VSTM2B: variants seen among roughly 807,000 people sequenced by gnomAD.
VSTM2B encodes the protein V-set and transmembrane domain-containing protein 2B.
A neutral mutation model predicts 24.0 loss-of-function variants in VSTM2B; 24 were observed. That is an observed-to-expected ratio of 1.00 (90% CI 0.72 to 1.40). The LOEUF is 1.40. VSTM2B is among the 40% of genes most tolerant of loss of function. The probability of loss-of-function intolerance (pLI) is 0.00; values close to 1 mark genes in which losing one functional copy is unlikely to be tolerated. For synonymous variants in VSTM2B, 226 were observed against 194.4 expected (o/e 1.16, Z -1.35); for missense variants, 399 against 416.4 (o/e 0.96, Z 0.36).
chr19:29,558,024 G>T (rs1242094553), intron 4 of VSTM2B, among the ~76,000 whole-genome samples: 1 of 151,928 alleles, frequency 6.6e-6, no homozygotes, highest in Non-Finnish European at 1.5e-5. Flanking sequence ...CCTCATGAAA[G>T]ACTGGGCAAA....
intron 1 of VSTM2B, 90 bp from the exon 2 acceptor site, chr19:29,527,121 A>G: frequency 8.3e-7 from 1 of 1,202,110 alleles, no homozygotes; most frequent in East Asian, 2.6e-5. Context: ...GCACAAGGCC[A>G]GCCAGCCAGA....
chr19:29,560,269 A>T (rs1970496287), intron 4 of VSTM2B, among the ~76,000 whole-genome samples: 1 of 152,114 alleles, frequency 6.6e-6, no homozygotes, highest in African/African-American at 2.4e-5. Flanking sequence ...ACTTGTAGCC[A>T]TTTTTGCAAT....
intron 4 of VSTM2B, among the ~76,000 whole-genome samples, chr19:29,546,679 C>G (rs529520621): frequency 6.6e-6 from 1 of 150,920 alleles, no homozygotes; most frequent in African/African-American, 2.4e-5. Context: ...AGCCCCCACC[C>G]CCACCCCGGT....
At chr19:29,527,995 C>G (rs1969630852) in intron 2 of VSTM2B, among the ~76,000 whole-genome samples, 1 of 152,232 alleles carries the variant, frequency 6.6e-6, no homozygotes, top group Admixed American at 6.5e-5. Context: ...TACATTCTCC[C>G]AGGGTCCCAC....
At chr19:29,525,427 C>T (rs972106307), upstream of VSTM2B, 2 of 151,722 alleles carry the variant, frequency 1.3e-5, no homozygotes, top group African/African-American at 2.4e-5. Flanking sequence ...CACTCACGGC[C>T]GCTGCGGGCT....
chr19:29,556,317 T>A (rs1970408385), intron 4 of VSTM2B, among the ~76,000 whole-genome samples: 1 of 152,178 alleles, frequency 6.6e-6, no homozygotes. Flanking sequence ...AGAAAAGGCC[T>A]TCGATAAAAT....
At chr19:29,539,487 G>T (rs2145482318) in intron 4 of VSTM2B, among the ~76,000 whole-genome samples, 1 of 152,256 alleles carries the variant, frequency 6.6e-6, no homozygotes, top group Middle Eastern at 3.4e-3. Context: ...TAGACTGAGA[G>T]GAGGTGCCCG....
intron 4 of VSTM2B, among the ~76,000 whole-genome samples, chr19:29,553,624 G>A (rs1207761825): frequency 6.6e-6 from 1 of 152,210 alleles, no homozygotes; most frequent in East Asian, 1.9e-4. Context: ...ATTGACAGAA[G>A]TAGGCTTCAG....
intron 4 of VSTM2B, among the ~76,000 whole-genome samples, chr19:29,559,229 T>C (rs940809827): frequency 2.0e-5 from 3 of 152,156 alleles, no homozygotes; most frequent in Non-Finnish European, 4.4e-5. Context: ...CCATCAATGA[T>C]AGGCTGGATA....
chr19:29,532,769 G>A (rs1487876393), intron 4 of VSTM2B, among the ~76,000 whole-genome samples: 1 of 152,232 alleles, frequency 6.6e-6, no homozygotes, highest in Non-Finnish European at 1.5e-5. Context: ...GGAGAGGAGA[G>A]GATGGGCAGA....
chr19:29,533,231 G>A (rs1969801049), intron 4 of VSTM2B, among the ~76,000 whole-genome samples: 2 of 152,216 alleles, frequency 1.3e-5, no homozygotes, highest in Admixed American at 6.5e-5. Context: ...CAGCCACGGG[G>A]CCATATGTTA....
Position 29,530,224 on chromosome 19 carries a change from G to GCTGCCGCGGCAGCTA in VSTM2B, c.707_708insCGCGGCAGCTACTGC (p.Ala237_Ser238insAlaAlaThrAlaAla). 1 of 1,503,986 alleles carries GCTGCCGCGGCAGCTA rather than the reference G, an allele frequency of 6.6e-7. No individual in the cohort carries two copies. Among genetic ancestry groups the GCTGCCGCGGCAGCTA allele is most frequent in the South Asian group, 1.2e-5 (1 of 81,034 alleles). 93.2% of individuals were successfully genotyped at this position (1,503,986 alleles called of 1,614,324 possible). ...GCCCACCACCACAGTCGCGGCAGCT[G>GCTGCCGCGGCAGCTA]CTGCTGCCTCGTCAGCGTCGCCGCC... On this transcript the variant is annotated inframe_insertion, in exon 4 of 5. Coordinates refer to ENST00000335523, the MANE Select transcript of VSTM2B (RefSeq NM_001146339.2).
upstream of VSTM2B, chr19:29,525,554 G>C (rs1042988232): frequency 6.6e-6 from 1 of 152,356 alleles, no homozygotes; most frequent in African/African-American, 2.4e-5. Flanking sequence ...CGTAGTCTCC[G>C]GCTGGGCACA....
Position 29,526,798 on chromosome 19 carries a change from C to A in VSTM2B, c.82+133C>A. 1.2e-6 allele frequency: 1 copy of A among 843,848 alleles called. No homozygotes were observed. The highest frequency in any genetic ancestry group is 1.8e-6 in the Non-Finnish European group (1 of 565,914). 52.3% of individuals were successfully genotyped at this position (843,848 alleles called of 1,614,324 possible). ...GCAATCCCGCTGTGCAGCCTGGGCC[C>A]GGAGGGGTAGGGAGAGGCGAGCGGC... On this transcript the variant is annotated intron_variant, in intron 1 of 4. Transcript: ENST00000335523. This position sits in a 1 kb window ranked among gnomAD's most constrained non-coding sequence, Gnocchi z 4.1.
rs552968804 is a variant in VSTM2B at position 29,547,596 on chromosome 19, A to T, written c.770-16250A>T. Among the ~76,000 whole-genome samples, 22 of 152,256 alleles carry T rather than the reference A, an allele frequency of 1.4e-4. No homozygotes were observed. The South Asian group carries it at 4.4e-3, about 30-fold the overall frequency. ...GGGGCTGAGGAGAGAGGGAGGCCCT[A>T]GGCCAGCCCTCTGACGCATGGGCTT... On this transcript the variant is annotated intron_variant, in intron 4 of 4. Transcript: ENST00000335523.
At chr19:29,525,843 C>A (rs1226846538), upstream of VSTM2B, 1 of 147,866 alleles carries the variant, frequency 6.8e-6, no homozygotes, top group African/African-American at 2.5e-5. Flanking sequence ...TCCCTCCGAG[C>A]GACCCCCGAG....
At chr19:29,552,726 G>T (rs1024050185) in intron 4 of VSTM2B, among the ~76,000 whole-genome samples, 8 of 152,192 alleles carry the variant, frequency 5.3e-5, no homozygotes, top group Admixed American at 5.2e-4. Context: ...CTCCCAGGGG[G>T]AAGGGCAGCA....
chr19:29,530,138 G>T lies in VSTM2B; in HGVS notation c.617G>T (p.Ser206Ile), dbSNP rs961346850. The change falls in exon 4 of 5, where the codon AGC (serine) becomes ATC (isoleucine). Residue 206 changes from serine to isoleucine, a missense_variant. Coordinates refer to ENST00000335523, the MANE Select transcript of VSTM2B (RefSeq NM_001146339.2). ...GGCGACAAGAGCCCGCCGCCCGGGA[G>T]CCCTCCCGCCGCCATCGATCCCGCA... ...GRGDKSPPPG[S>I]PPAAIDPAVP... The T allele has an allele frequency of 1.1e-4, 157 of 1,461,190 alleles. No homozygotes were observed. The highest frequency in any genetic ancestry group is 1.3e-4 in the Non-Finnish European group (148 of 1,113,624). 90.5% of individuals were successfully genotyped at this position (1,461,190 alleles called of 1,614,324 possible).
intron 4 of VSTM2B, among the ~76,000 whole-genome samples, chr19:29,560,499 A>G (rs1330906385): frequency 6.6e-6 from 1 of 152,086 alleles, no homozygotes; most frequent in Non-Finnish European, 1.5e-5. Context: ...CCCCAACATC[A>G]GTGCCAGGCC....
Sources: allele counts gnomAD v4.1 joint callset (sites outside exome capture counted in the v4.1 genomes callset), GRCh38; gene constraint gnomAD v4.1.1; non-coding constraint Gnocchi (gnomAD v3.1); transcripts MANE v1.5; gene names NCBI Gene and HGNC (gene_info 2026-07-23, HGNC 2026-07-21).